The following NCAM2 variants were observed in gnomAD, a reference collection of about 807,000 sequenced individuals.
NCAM2 encodes neural cell adhesion molecule 2.
A neutral mutation model predicts 98.1 loss-of-function variants in NCAM2; 30 were observed. The observed-to-expected ratio is 0.31, with a 90% CI of 0.23 to 0.41. The LOEUF is 0.41. Ranked by LOEUF, NCAM2 falls within the 10% of genes least tolerant of loss-of-function variation. The pLI, the probability that NCAM2 is intolerant of heterozygous loss-of-function variation, is 1.00. For synonymous variants in NCAM2, 368 were observed against 342.4 expected (o/e 1.07, Z -0.83); for missense variants, 867 against 1,005.8 (o/e 0.86, Z 1.87).
At chr21:21,433,742 C>CAATAAAATAAAATAA (rs71322060) in intron 12 of NCAM2, among the ~76,000 whole-genome samples, 8,177 of 105,050 alleles carry the variant, frequency 0.078, 423 homozygotes, top group East Asian at 0.16. Context: ...GACTCCATCT[C>CAATAAAATAAAATAA]AATAAAATAA....
intron 15 of NCAM2, among the ~76,000 whole-genome samples, chr21:21,496,117 T>C (rs1027981848): frequency 4.5e-4 from 68 of 151,562 alleles, no homozygotes; most frequent in Non-Finnish European, 5.5e-4. Flanking sequence ...GATTTATATC[T>C]TTCAGGTAGA....
chr21:21,184,424 A>G (rs191723701), intron 1 of NCAM2, among the ~76,000 whole-genome samples: 3 of 152,166 alleles, frequency 2.0e-5, no homozygotes, highest in African/African-American at 4.8e-5. Context: ...GGCTGGTAGC[A>G]TCATACAATG....
chr21:21,046,630 C>G (rs2065011682), intron 1 of NCAM2, among the ~76,000 whole-genome samples: 1 of 152,166 alleles, frequency 6.6e-6, no homozygotes, highest in Non-Finnish European at 1.5e-5. Context: ...TTGGCGTCAC[C>G]TCTTGGTTCA....
At chr21:21,426,416 G>T (rs112665947) in intron 11 of NCAM2, among the ~76,000 whole-genome samples, 98 of 152,162 alleles carry the variant, frequency 6.4e-4, no homozygotes, top group Middle Eastern at 3.4e-3. Flanking sequence ...TTACCAGATA[G>T]AAATTGATGA....
chr21:21,043,067 G>T (rs919336737), intron 1 of NCAM2, among the ~76,000 whole-genome samples: 2 of 152,118 alleles, frequency 1.3e-5, no homozygotes, highest in African/African-American at 4.8e-5. Context: ...TCAAATTTCA[G>T]CTAATTTACA....
chr21:21,137,932 GA>G (rs1374971859), intron 1 of NCAM2, among the ~76,000 whole-genome samples: 1 of 122,510 alleles, frequency 8.2e-6, no homozygotes, highest in Non-Finnish European at 1.7e-5. Context: ...GCAGGAAGGT[GA>G]CACTGGATTT....
intron 8 of NCAM2, among the ~76,000 whole-genome samples, chr21:21,351,936 G>C (rs1230369317): frequency 6.6e-6 from 1 of 151,970 alleles, no homozygotes; most frequent in East Asian, 1.9e-4. Context: ...TATTACTAGA[G>C]ACAGGGTTTC....
At chr21:21,250,178 G>A (rs1343026223) in intron 1 of NCAM2, among the ~76,000 whole-genome samples, 8 of 152,168 alleles carry the variant, frequency 5.3e-5, no homozygotes, top group Admixed American at 5.2e-4. Flanking sequence ...AGCTAATTGA[G>A]CAAGACAAAG....
chr21:21,277,502 G>C (rs1370298535), intron 1 of NCAM2, among the ~76,000 whole-genome samples: 1 of 152,080 alleles, frequency 6.6e-6, no homozygotes, highest in Non-Finnish European at 1.5e-5. Flanking sequence ...ATGAGGGGTT[G>C]TATAGAAAAA....
chr21:21,438,096 G>A (rs1348866629), intron 12 of NCAM2, among the ~76,000 whole-genome samples: 1 of 151,918 alleles, frequency 6.6e-6, no homozygotes, highest in Admixed American at 6.6e-5. Flanking sequence ...AGGTACATAT[G>A]GTCTCAACAT....
intron 6 of NCAM2, among the ~76,000 whole-genome samples, chr21:21,334,047 G>A (rs1341567175): frequency 6.6e-6 from 1 of 151,978 alleles, no homozygotes; most frequent in Non-Finnish European, 1.5e-5. Flanking sequence ...ACCTGCCTCA[G>A]CATCCCTTCG....
At chr21:21,472,967 TAC>T (rs3039039) in intron 14 of NCAM2, among the ~76,000 whole-genome samples, 16,848 of 141,376 alleles carry the variant, frequency 0.12, 1,328 homozygotes, top group African/African-American at 0.23. Flanking sequence ...TACATATATG[TAC>T]ACACACACAC....
chr21:21,456,320 A>T (rs1431454499), intron 12 of NCAM2, among the ~76,000 whole-genome samples: 1 of 152,194 alleles, frequency 6.6e-6, no homozygotes, highest in African/African-American at 2.4e-5. Flanking sequence ...TAAAATCTCT[A>T]ATTAACCAGA....
At chr21:21,302,385 G>A (rs9917504) in intron 5 of NCAM2, among the ~76,000 whole-genome samples, 112,241 of 151,944 alleles carry the variant, frequency 0.74, 41,583 homozygotes, top group South Asian at 0.82. Context: ...TCTTTCCCCA[G>A]TGCTTGTTTT....
At chr21:21,234,136 C>G (rs1204054972) in intron 1 of NCAM2, among the ~76,000 whole-genome samples, 1 of 151,784 alleles carries the variant, frequency 6.6e-6, no homozygotes, top group East Asian at 1.9e-4. Flanking sequence ...TGGATTGCCA[C>G]TTAGGTGAAA....
intron 1 of NCAM2, among the ~76,000 whole-genome samples, chr21:21,062,165 G>T (rs2065336379): frequency 6.6e-6 from 1 of 152,114 alleles, no homozygotes; most frequent in African/African-American, 2.4e-5. Flanking sequence ...AAAAGAGAGG[G>T]TTTGTTTCTG....
intron 1 of NCAM2, among the ~76,000 whole-genome samples, chr21:21,134,703 T>C (rs1304455065): frequency 8.5e-6 from 1 of 117,178 alleles, no homozygotes; most frequent in Non-Finnish European, 1.7e-5. Context: ...TATGGTTATA[T>C]TGCAGCCTTT....
intron 1 of NCAM2, among the ~76,000 whole-genome samples, chr21:21,163,206 A>T (rs1399980873): frequency 6.6e-6 from 1 of 152,206 alleles, no homozygotes; most frequent in African/African-American, 2.4e-5. Flanking sequence ...CTTACAGTGC[A>T]GTAAAAATAA....
intron 1 of NCAM2, among the ~76,000 whole-genome samples, chr21:21,199,838 C>T (rs144278168): frequency 6.6e-6 from 1 of 152,104 alleles, no homozygotes; most frequent in East Asian, 1.9e-4. Context: ...ATTTATGTCA[C>T]ATCTCGTGTC....
Sources: gnomAD v4.1 joint callset for allele counts (sites outside exome capture counted in the v4.1 genomes callset) on GRCh38, gnomAD v4.1.1 for gene constraint, MANE v1.5 for transcripts, NCBI Gene and HGNC (gene_info 2026-07-23, HGNC 2026-07-21) for gene names.